VPS13B: variants seen among roughly 807,000 people sequenced by gnomAD.
The protein encoded by VPS13B is intermembrane lipid transfer protein VPS13B.
VPS13B carries 285 observed loss-of-function variants against 426.4 expected under a neutral mutation model. That is an observed-to-expected ratio of 0.67 (90% CI 0.61 to 0.74). The LOEUF is 0.74. Ranked by LOEUF, VPS13B falls within the 30% of genes least tolerant of loss-of-function variation. VPS13B has a pLI of 0.00. For synonymous variants in VPS13B, 1,676 were observed against 1,676.4 expected (o/e 1.00, Z 0.01); for missense variants, 4,537 against 4,782.6 (o/e 0.95, Z 1.51).
chr8:99,468,442 T>G (rs1819226935), intron 24 of VPS13B, among the ~76,000 whole-genome samples: 1 of 151,946 alleles, frequency 6.6e-6, no homozygotes, highest in African/African-American at 2.4e-5. Context: ...TTTAAAAATA[T>G]TATTTTTAAA....
At chr8:99,243,548 TAACTC>T (rs1203447649) in intron 17 of VPS13B, among the ~76,000 whole-genome samples, 1 of 152,160 alleles carries the variant, frequency 6.6e-6, no homozygotes, top group Non-Finnish European at 1.5e-5. Context: ...CATGTAAAGT[TAACTC>T]AGAAAAGGAT....
At chr8:99,774,187 G>A (rs1395141780) in intron 40 of VPS13B, among the ~76,000 whole-genome samples, 1 of 152,132 alleles carries the variant, frequency 6.6e-6, no homozygotes, top group Non-Finnish European at 1.5e-5. Flanking sequence ...TGTTTAAGAA[G>A]TGTGTGATTT....
chr8:99,170,726 C>A (rs1223265984), intron 16 of VPS13B, among the ~76,000 whole-genome samples: 1 of 151,380 alleles, frequency 6.6e-6, no homozygotes, highest in Non-Finnish European at 1.5e-5. Context: ...AGAAAGAAAG[C>A]CAGTAGTTAC....
At chr8:99,146,276 T>G (rs562938244) in intron 13 of VPS13B, among the ~76,000 whole-genome samples, 64 of 152,330 alleles carry the variant, frequency 4.2e-4, no homozygotes, top group African/African-American at 1.5e-3. Flanking sequence ...AATTTTCAAT[T>G]GCACTAGCAC....
intron 54 of VPS13B, among the ~76,000 whole-genome samples, chr8:99,843,357 T>TG (rs1815809358): frequency 6.6e-6 from 1 of 151,850 alleles, no homozygotes; most frequent in Admixed American, 6.6e-5. Context: ...AACAAACAGC[T>TG]GAAAAAAAAA....
intron 33 of VPS13B, chr8:99,577,880 T>C: frequency 2.0e-6 from 1 of 490,912 alleles, no homozygotes; most frequent in Non-Finnish European, 3.7e-6. Context: ...GAACCTCTGT[T>C]ATATACATAA....
intron 30 of VPS13B, among the ~76,000 whole-genome samples, chr8:99,538,582 A>G (rs1279427605): frequency 6.6e-6 from 1 of 152,114 alleles, no homozygotes; most frequent in East Asian, 1.9e-4. Context: ...CTTTTCCCGC[A>G]TGTGAGTATC....
intron 22 of VPS13B, among the ~76,000 whole-genome samples, chr8:99,438,946 G>C (rs1033647099): frequency 2.0e-4 from 31 of 152,210 alleles, no homozygotes; most frequent in African/African-American, 6.7e-4. Flanking sequence ...GGTGTTGTTT[G>C]TTGACTATCT....
At chr8:99,315,252 G>C (rs541172438) in intron 19 of VPS13B, among the ~76,000 whole-genome samples, 1 of 151,212 alleles carries the variant, frequency 6.6e-6, no homozygotes, top group East Asian at 1.9e-4. Flanking sequence ...TTTCCCTCTG[G>C]GACACTGAAA....
intron 19 of VPS13B, among the ~76,000 whole-genome samples, chr8:99,312,855 C>T (rs556520574): frequency 6.6e-6 from 1 of 152,194 alleles, no homozygotes; most frequent in Non-Finnish European, 1.5e-5. Flanking sequence ...TTCTTGGAGG[C>T]TTTGTTCATT....
At chr8:99,742,657 A>G (rs1809809502) in intron 39 of VPS13B, among the ~76,000 whole-genome samples, 1 of 152,204 alleles carries the variant, frequency 6.6e-6, no homozygotes, top group Admixed American at 6.5e-5. Context: ...CCTGGGATGC[A>G]AGGCTGGTTC....
Position 99,642,598 on chromosome 8 carries a change from A to G in VPS13B, c.5908+100A>G, listed in dbSNP as rs1829413735. 5 of 1,080,064 alleles carry G rather than the reference A, an allele frequency of 4.6e-6. No individual in the cohort carries two copies. The Admixed American group carries it at 1.1e-4, about 24-fold the overall frequency. The allele number at this position is 1,080,064 out of a possible 1,614,324, so 66.9% of individuals were successfully genotyped here. A position where few individuals can be genotyped will look rare whatever the true frequency, so the allele number is the denominator to read the frequency against. ...ATTAAACAGAAACAGCTGGCAGACA[A>G]AAGTCTTTTCTCTACAGAATATGGA... On this transcript the variant is annotated intron_variant, in intron 34 of 61. Transcript: ENST00000357162.
In VPS13B at chr8:99,362,495, A is replaced by T. The variant is rs558103890; in HGVS notation, c.2825-21713A>T. Reference sequence around the variant, plus strand: ...TATAGTGGATAACTAATAAACGTTAATTTAGTTAATGATTGAATAATTGAG... The same window carrying T: ...TATAGTGGATAACTAATAAACGTTATTTTAGTTAATGATTGAATAATTGAG... On this transcript the variant is annotated intron_variant, in intron 19 of 61. Coordinates refer to ENST00000357162, the MANE Select transcript of VPS13B (RefSeq NM_152564.5). Among the ~76,000 whole-genome samples the T allele has an allele frequency of 1.8e-4, 27 of 152,246 alleles. No homozygotes were observed. In the East Asian group the frequency reaches 4.3e-3, roughly 24 times the overall value.
intron 19 of VPS13B, among the ~76,000 whole-genome samples, chr8:99,360,674 A>G (rs1400897300): frequency 2.6e-5 from 4 of 152,102 alleles, no homozygotes; most frequent in Non-Finnish European, 5.9e-5. Flanking sequence ...TACTTTTTTC[A>G]TGGACATATA....
intron 40 of VPS13B, among the ~76,000 whole-genome samples, chr8:99,775,170 C>T (rs1162591653): frequency 6.6e-6 from 1 of 152,002 alleles, no homozygotes; most frequent in Non-Finnish European, 1.5e-5. Context: ...CCTGGGGGGT[C>T]GTTCTGTTTG....
intron 35 of VPS13B, among the ~76,000 whole-genome samples, chr8:99,680,070 AT>A (rs1206808143): frequency 6.6e-6 from 1 of 152,158 alleles, no homozygotes; most frequent in Non-Finnish European, 1.5e-5. Flanking sequence ...TGTCTAAAAA[AT>A]TTTTTATCTT....
chr8:99,748,708 A>T (rs575746718), intron 39 of VPS13B, among the ~76,000 whole-genome samples: 1 of 151,968 alleles, frequency 6.6e-6, no homozygotes, highest in African/African-American at 2.4e-5. Flanking sequence ...TACTTTGTGG[A>T]GACAGTGTTG....
At chr8:99,203,147 CA>C (rs1438886107) in intron 17 of VPS13B, among the ~76,000 whole-genome samples, 3 of 151,984 alleles carry the variant, frequency 2.0e-5, no homozygotes, top group African/African-American at 4.8e-5. Flanking sequence ...AGCAGCACAT[CA>C]AAAAGCTTAT....
chr8:99,487,157 C>A (rs546104857), intron 25 of VPS13B, among the ~76,000 whole-genome samples: 1 of 149,838 alleles, frequency 6.7e-6, no homozygotes, highest in East Asian at 2.0e-4. Flanking sequence ...ATATTGTTCA[C>A]ATAGATTAAC....
Sources: allele counts gnomAD v4.1 joint callset (sites outside exome capture counted in the v4.1 genomes callset), GRCh38; gene constraint gnomAD v4.1.1; transcripts MANE v1.5; gene names NCBI Gene and HGNC (gene_info 2026-07-23, HGNC 2026-07-21).